The following CMSS1 variants were observed in gnomAD, a reference collection of about 807,000 sequenced individuals.
CMSS1 encodes protein CMSS1.
In CMSS1, 33 loss-of-function variants were observed where a neutral mutation model predicts 43.5. The ratio of observed to expected loss-of-function variants is 0.76; its 90% confidence interval spans 0.57 to 1.01. CMSS1 has a LOEUF of 1.01. Ranked by LOEUF, CMSS1 falls within the 50% of genes least tolerant of loss-of-function variation. The pLI is 0.00. For synonymous variants in CMSS1, 115 were observed against 117.2 expected (o/e 0.98, Z 0.12); for missense variants, 313 against 326.4 (o/e 0.96, Z 0.32).
At chr3:100,037,186 C>G (rs2065122030) in intron 1 of CMSS1, among the ~76,000 whole-genome samples, 1 of 150,952 alleles carries the variant, frequency 6.6e-6, no homozygotes, top group Non-Finnish European at 1.5e-5. Context: ...TGATTTTGAT[C>G]ATTGTGGAGT....
chr3:99,886,926 T>C (rs1416946331), intron 1 of CMSS1, among the ~76,000 whole-genome samples: 1 of 146,242 alleles, frequency 6.8e-6, no homozygotes, highest in Non-Finnish European at 1.5e-5. Context: ...GCCAAGATCA[T>C]GCAACTGCAC....
chr3:99,851,085 G>C, intron 1 of CMSS1: 1 of 1,549,304 alleles, frequency 6.5e-7, no homozygotes, highest in Non-Finnish European at 8.7e-7. Context: ...AAAATGTAAA[G>C]TGCATTTTAT....
rs942233659 is a variant in CMSS1 at position 99,967,424 on chromosome 3, T to C, written c.64+149381T>C. Among the ~76,000 whole-genome samples, 41 of 152,328 alleles carry C rather than the reference T, an allele frequency of 2.7e-4. 1 individual carries two copies. Among genetic ancestry groups the C allele is most frequent in the Admixed American group, 2.4e-3 (36 of 15,308 alleles). On this transcript the variant is annotated intron_variant, in intron 1 of 9. Coordinates refer to ENST00000421999, the MANE Select transcript of CMSS1 (RefSeq NM_032359.4). ...AGTGTTCACTTTTTGGAAATGAACT[T>C]AGGCCATAAGAGCCTGAATTTAATG...
At chr3:99,909,403 G>C (rs1215957466) in intron 1 of CMSS1, among the ~76,000 whole-genome samples, 2 of 152,192 alleles carry the variant, frequency 1.3e-5, no homozygotes, top group Non-Finnish European at 2.9e-5. Flanking sequence ...CTTGGGTCAG[G>C]TGAGGGGGTC....
intron 1 of CMSS1, among the ~76,000 whole-genome samples, chr3:100,001,918 G>A (rs182025621): frequency 9.2e-5 from 14 of 152,250 alleles, no homozygotes; most frequent in Admixed American, 1.3e-4. Context: ...ACACGGTGTC[G>A]CCTATGAGGG....
At chr3:99,985,015 G>T (rs1280501350) in intron 1 of CMSS1, among the ~76,000 whole-genome samples, 1 of 152,112 alleles carries the variant, frequency 6.6e-6, no homozygotes, top group Non-Finnish European at 1.5e-5. Context: ...TACTTAAAGG[G>T]GTTGCCGTGA....
At chr3:100,073,835 T>G (rs1270385198) in intron 1 of CMSS1, among the ~76,000 whole-genome samples, 1 of 152,216 alleles carries the variant, frequency 6.6e-6, no homozygotes, top group Non-Finnish European at 1.5e-5. Flanking sequence ...CCACTCACTC[T>G]TTTTAAGCTT....
At chr3:99,916,290 G>A (rs1387140140) in intron 1 of CMSS1, among the ~76,000 whole-genome samples, 1 of 150,378 alleles carries the variant, frequency 6.6e-6, no homozygotes, top group Non-Finnish European at 1.5e-5. Flanking sequence ...TTTAGATTGG[G>A]AATAGAATCT....
At chr3:100,065,292 A>G (rs940904188) in intron 1 of CMSS1, among the ~76,000 whole-genome samples, 1 of 152,172 alleles carries the variant, frequency 6.6e-6, no homozygotes, top group Non-Finnish European at 1.5e-5. Flanking sequence ...TTTTCCTGCT[A>G]TAGTTTGAGA....
rs2067183546 is a variant in CMSS1 at position 100,181,317 on chromosome 3, G to A, written c.*2929G>A. On this transcript the variant is annotated 3_prime_UTR_variant, in exon 10 of 10. Transcript: ENST00000421999. ...CTTTTTTTTAAAAACTTTCTATTTT[G>A]AAACTTCAGGCTTAATAGAAAAGTT... The A allele has an allele frequency of 6.6e-6, 1 of 152,058 alleles. No homozygotes were observed. 9.4% of individuals were successfully genotyped at this position (152,058 alleles called of 1,614,324 possible).
At chr3:100,173,277 G>A (rs1476963387) in intron 8 of CMSS1, among the ~76,000 whole-genome samples, 1 of 152,218 alleles carries the variant, frequency 6.6e-6, no homozygotes, top group Admixed American at 6.5e-5. Flanking sequence ...CCCCTGACAA[G>A]GAAGGGAAAC....
At chr3:100,160,389 C>A (rs2067013505) in intron 2 of CMSS1, 41 bp from the exon 3 acceptor site, 1 of 1,042,596 alleles carries the variant, frequency 9.6e-7, no homozygotes, top group Admixed American at 2.0e-5. Flanking sequence ...GACACTTTAT[C>A]ATGAAAAGAT....
intron 8 of CMSS1, 100 bp downstream of exon 8, chr3:100,172,503 C>T: frequency 1.2e-6 from 1 of 844,494 alleles, no homozygotes. Flanking sequence ...AAAAACCAGA[C>T]CTCTGTGTTA....
At chr3:100,140,342 C>T (rs1239216834) in intron 1 of CMSS1, among the ~76,000 whole-genome samples, 1 of 151,984 alleles carries the variant, frequency 6.6e-6, no homozygotes, top group Non-Finnish European at 1.5e-5. Flanking sequence ...TAAATCACCC[C>T]CCAGAAGTCC....
chr3:100,012,525 C>G (rs1253376693), intron 1 of CMSS1, among the ~76,000 whole-genome samples: 1 of 151,882 alleles, frequency 6.6e-6, no homozygotes, highest in Non-Finnish European at 1.5e-5. Context: ...AGGGTAGAAA[C>G]TTATGGGAAT....
At chr3:99,887,999 C>G (rs561454812) in intron 1 of CMSS1, among the ~76,000 whole-genome samples, 9 of 152,274 alleles carry the variant, frequency 5.9e-5, no homozygotes, top group Admixed American at 4.6e-4. Flanking sequence ...CCACCTTGGC[C>G]TCCCAAAGTA....
At chr3:100,048,697 G>A (rs13064704) in intron 1 of CMSS1, among the ~76,000 whole-genome samples, 28,143 of 152,108 alleles carry the variant, frequency 0.19, 2,951 homozygotes, top group South Asian at 0.25. Flanking sequence ...ACTAAAGGAA[G>A]CAATCAAGTC....
chr3:99,850,179 C>A, intron 1 of CMSS1: 1 of 1,611,314 alleles, frequency 6.2e-7, no homozygotes. Context: ...CATCTACAAA[C>A]ATCACAGTTA....
At chr3:99,873,882 A>G (rs1021083746) in intron 1 of CMSS1, among the ~76,000 whole-genome samples, 6 of 152,222 alleles carry the variant, frequency 3.9e-5, no homozygotes, top group African/African-American at 1.4e-4. Flanking sequence ...AAAAGTGCAA[A>G]TGAACTTACT....
Sources: allele counts gnomAD v4.1 joint callset (sites outside exome capture counted in the v4.1 genomes callset), GRCh38; gene constraint gnomAD v4.1.1; transcripts MANE v1.5; gene names NCBI Gene and HGNC (gene_info 2026-07-23, HGNC 2026-07-21).